The following FAM13A variants were observed in gnomAD, a reference collection of about 807,000 sequenced individuals.
FAM13A encodes family with sequence similarity 13 member A, also known as protein FAM13A.
Under a neutral mutation model 129.6 loss-of-function variants are expected in FAM13A, and 76 were observed. That is an observed-to-expected ratio of 0.59 (90% CI 0.49 to 0.71). The LOEUF (loss-of-function observed/expected upper bound fraction) is 0.71. Ranked by LOEUF, FAM13A falls within the 30% of genes least tolerant of loss-of-function variation. FAM13A has a pLI of 0.00. For synonymous variants in FAM13A, 443 were observed against 449.9 expected, an observed-to-expected ratio of 0.98 and a Z score of 0.20; for missense variants, 1,108 against 1,249.3, an observed-to-expected ratio of 0.89 and a Z score of 1.70.
intron 6 of FAM13A, among the ~76,000 whole-genome samples, chr4:88,895,447 T>C (rs13118052): frequency 0.56 from 83,907 of 148,916 alleles, 23,734 homozygotes; most frequent in Admixed American, 0.59. Context: ...AGAGCTTCTG[T>C]ACAGCAAAAG....
At chr4:88,729,136 A>C (rs1255508799) in intron 23 of FAM13A, 1 of 152,978 alleles carries the variant, frequency 6.5e-6, no homozygotes, top group Non-Finnish European at 1.4e-5. Context: ...AGAATTCAGC[A>C]GCTGGATTAC....
chr4:88,822,029 TG>T (rs1300717561), intron 7 of FAM13A, among the ~76,000 whole-genome samples: 1 of 152,252 alleles, frequency 6.6e-6, no homozygotes, highest in African/African-American at 2.4e-5. Context: ...AATTAGTTTT[TG>T]TCTAGTTTTT....
chr4:88,856,509 A>C (rs1391389512), intron 6 of FAM13A, among the ~76,000 whole-genome samples: 1 of 151,906 alleles, frequency 6.6e-6, no homozygotes, highest in African/African-American at 2.4e-5. Flanking sequence ...AAAACAAATA[A>C]ACAAAAAACC....
chr4:88,998,798 G>A (rs988604166), intron 3 of FAM13A, among the ~76,000 whole-genome samples: 6 of 152,076 alleles, frequency 3.9e-5, no homozygotes, highest in Non-Finnish European at 8.8e-5. Context: ...CCCCAAGACT[G>A]GAATCACTTC....
intron 4 of FAM13A, among the ~76,000 whole-genome samples, chr4:88,989,189 C>T (rs1215805498): frequency 3.4e-5 from 5 of 145,702 alleles, no homozygotes; most frequent in Non-Finnish European, 7.5e-5. Flanking sequence ...ACCTGGGTGA[C>T]AGAGCCAGAC....
At chr4:88,914,821 T>G (rs1749811247) in intron 5 of FAM13A, among the ~76,000 whole-genome samples, 1 of 152,234 alleles carries the variant, frequency 6.6e-6, no homozygotes, top group African/African-American at 2.4e-5. Flanking sequence ...CGAATAAAAC[T>G]GTCAACTTCA....
chr4:88,735,033 T>A (rs1165646906), intron 21 of FAM13A, among the ~76,000 whole-genome samples: 1 of 152,180 alleles, frequency 6.6e-6, no homozygotes, highest in Non-Finnish European at 1.5e-5. Context: ...ACAGCAGAGC[T>A]AGGAGACCAC....
intron 6 of FAM13A, among the ~76,000 whole-genome samples, chr4:88,862,908 T>A (rs919284464): frequency 6.6e-6 from 1 of 151,970 alleles, no homozygotes; most frequent in South Asian, 2.1e-4. Context: ...GACTTCTCAC[T>A]GGGACATCAT....
At chr4:88,754,891 T>C (rs1004356402) in intron 14 of FAM13A, among the ~76,000 whole-genome samples, 1 of 152,180 alleles carries the variant, frequency 6.6e-6, no homozygotes, top group African/African-American at 2.4e-5. Flanking sequence ...AGGATAGGGC[T>C]GAGGACTTTT....
At chr4:88,729,059 GTTTTT>G (rs529829067) in intron 23 of FAM13A, 4 of 78,420 alleles carry the variant, frequency 5.1e-5, no homozygotes, top group South Asian at 4.6e-4. Flanking sequence ...CCACAACTTA[GTTTTT>G]TTTTTTTTTT....
At chr4:88,899,113 CAT>C (rs34576455) in intron 6 of FAM13A, among the ~76,000 whole-genome samples, 27,977 of 150,344 alleles carry the variant, frequency 0.19, 2,771 homozygotes, top group Non-Finnish European at 0.22. Flanking sequence ...CACACACATA[CAT>C]ATATATATAT....
In FAM13A at chr4:88,748,958, G is replaced by T; in HGVS notation, c.2155C>A (p.Leu719Ile). Reference sequence around the variant, plus strand: ...GCTCCAGAATTTTACCCACCTTTAAGTTGTCTCCGGAATTTGGCAAGGTCA... The same window carrying T: ...GCTCCAGAATTTTACCCACCTTTAATTTGTCTCCGGAATTTGGCAAGGTCA... ...TNDLAKFRRQLKESKLKISEE... is the reference protein window; with the variant it reads ...TNDLAKFRRQIKESKLKISEE... Residue 719 changes from leucine (L) to isoleucine (I), a missense_variant, in exon 17 of 24, where the codon CTT becomes ATT. By Grantham distance (5) the Leu-to-Ile change is conservative (BLOSUM62 2). Transcript: ENST00000264344. 6.2e-7 allele frequency: 1 copy of T among 1,612,590 alleles called. No individual in the cohort carries two copies. The highest frequency in any genetic ancestry group is 8.5e-7 in the Non-Finnish European group (1 of 1,178,614).
chr4:88,958,200 A>G (rs1758057572), intron 4 of FAM13A, among the ~76,000 whole-genome samples: 1 of 152,224 alleles, frequency 6.6e-6, no homozygotes, highest in South Asian at 2.1e-4. Context: ...CCTCAAGGGC[A>G]CTTCAGAGAT....
chr4:89,019,761 C>CAAAAAAA, intron 3 of FAM13A, among the ~76,000 whole-genome samples: 1 of 57,794 alleles, frequency 1.7e-5, no homozygotes, highest in African/African-American at 7.0e-5. Flanking sequence ...AACTACATCT[C>CAAAAAAA]AAAAAAAAAA....
At position 89,029,444 on chromosome 4, in the gene FAM13A, G is replaced by A. The variant is rs773870853; in HGVS notation, c.217+16C>T. 115 of 1,583,484 alleles carry A rather than the reference G, an allele frequency of 7.3e-5. No homozygotes were observed. Among genetic ancestry groups the A allele is most frequent in the Non-Finnish European group, 7.7e-5 (90 of 1,166,070 alleles). On this transcript the variant is annotated intron_variant, in intron 2 of 23. Coordinates refer to ENST00000264344, the MANE Select transcript of FAM13A (RefSeq NM_014883.4). ...GGACTGTGAAAATGAACAGACTAAA[G>A]CATGACTTAACTCACCATGCTGCGT...
intron 3 of FAM13A, among the ~76,000 whole-genome samples, chr4:88,993,963 C>T (rs1763231217): frequency 6.6e-6 from 1 of 151,794 alleles, no homozygotes; most frequent in South Asian, 2.1e-4. Context: ...TGCACTCCAG[C>T]CTGGGCGACA....
intron 4 of FAM13A, among the ~76,000 whole-genome samples, chr4:88,965,733 C>T (rs886772290): frequency 5.3e-5 from 8 of 152,148 alleles, no homozygotes; most frequent in Admixed American, 5.2e-4. Context: ...TTCCACTCCC[C>T]CAGCCCCTGC....
Position 88,739,095 on chromosome 4 carries a change from G to T in FAM13A, c.2497C>A (p.Pro833Thr), listed in dbSNP as rs1739627747. 5 of 1,613,766 alleles carry T rather than the reference G, an allele frequency of 3.1e-6. No homozygotes were observed. Among genetic ancestry groups the T allele is most frequent in the Non-Finnish European group, 2.5e-6 (3 of 1,179,784 alleles). ...ACCAGCCGGTACCTGTCGTATAGTGGCTTCATCACCTGCCGTTCGTTCTTT... is the reference window on the plus strand; with the variant it reads ...ACCAGCCGGTACCTGTCGTATAGTGTCTTCATCACCTGCCGTTCGTTCTTT... ...VTKNERQVMKPLYDRYRLVKQ... is the reference protein window; with the variant it reads ...VTKNERQVMKTLYDRYRLVKQ... Residue 833 changes from proline to threonine, a missense_variant, in exon 20 of 24, where the codon CCA (proline) becomes ACA (threonine). Coordinates refer to ENST00000264344, the MANE Select transcript of FAM13A (RefSeq NM_014883.4).
chr4:88,796,832 T>C (rs781063418), intron 8 of FAM13A, among the ~76,000 whole-genome samples: 7 of 152,108 alleles, frequency 4.6e-5, no homozygotes, highest in Non-Finnish European at 1.0e-4. Flanking sequence ...GAACTTGCTT[T>C]TCCTTTGGTT....
Sources: allele counts gnomAD v4.1 joint callset (sites outside exome capture counted in the v4.1 genomes callset), GRCh38; gene constraint gnomAD v4.1.1; transcripts MANE v1.5; gene names NCBI Gene and HGNC (gene_info 2026-07-23, HGNC 2026-07-21).